DOCK3: variants seen among roughly 807,000 people sequenced by gnomAD.
DOCK3 encodes the protein dedicator of cytokinesis 3, also known as dedicator of cytokinesis protein 3.
Under a neutral mutation model 265.6 loss-of-function variants are expected in DOCK3, and 60 were observed. The ratio of observed to expected loss-of-function variants is 0.23; its 90% CI spans 0.18 to 0.28. DOCK3 has a LOEUF of 0.28. DOCK3 is among the 10% of genes least tolerant of loss of function. The pLI is 1.00. For missense variants in DOCK3, 1,981 were observed against 2,594.3 expected (o/e 0.76, Z 5.14); for synonymous variants, 881 against 938.0 (o/e 0.94, Z 1.11).
chr3:51,150,420 T>C (rs1188927771), intron 10 of DOCK3, among the ~76,000 whole-genome samples: 5 of 152,218 alleles, frequency 3.3e-5, no homozygotes, highest in Non-Finnish European at 5.9e-5. Context: ...TTCTTTTAAT[T>C]GTGATGTTAG....
intron 3 of DOCK3, among the ~76,000 whole-genome samples, chr3:50,884,573 A>T (rs2048233531): frequency 6.6e-6 from 1 of 151,924 alleles, no homozygotes. Context: ...CTCTCTTGTC[A>T]ATTTTTTTCT....
chr3:50,779,931 A>G (rs962908067), intron 2 of DOCK3, among the ~76,000 whole-genome samples: 3 of 152,210 alleles, frequency 2.0e-5, no homozygotes, highest in Non-Finnish European at 4.4e-5. Flanking sequence ...AAGCCATCTC[A>G]GATGGTATAA....
At chr3:50,849,928 A>G (rs1156476572) in intron 3 of DOCK3, among the ~76,000 whole-genome samples, 2 of 151,958 alleles carry the variant, frequency 1.3e-5, no homozygotes, top group African/African-American at 2.4e-5. Context: ...TAAAAAACCA[A>G]TATTTAAGCT....
intron 19 of DOCK3, among the ~76,000 whole-genome samples, chr3:51,231,121 C>CTTTTTTTTTTTT (rs754271357): frequency 2.6e-5 from 2 of 77,738 alleles, no homozygotes; most frequent in African/African-American, 5.1e-5. Flanking sequence ...TATTTTTTGA[C>CTTTTTTTTTTTT]TTTTTTTTTT....
chr3:50,735,589 C>T (rs537611726), intron 1 of DOCK3, among the ~76,000 whole-genome samples: 4 of 152,212 alleles, frequency 2.6e-5, no homozygotes, highest in East Asian at 1.9e-4. Flanking sequence ...CTGCCTGCCT[C>T]GGCCTCCCAA....
chr3:51,034,934 A>G (rs995126602), intron 5 of DOCK3, among the ~76,000 whole-genome samples: 3 of 152,094 alleles, frequency 2.0e-5, no homozygotes, highest in African/African-American at 7.2e-5. Flanking sequence ...TCTGATGATC[A>G]TGTGATATCA....
chr3:50,753,142 T>C (rs1238964915), intron 1 of DOCK3, among the ~76,000 whole-genome samples: 2 of 152,228 alleles, frequency 1.3e-5, no homozygotes, highest in Non-Finnish European at 2.9e-5. Context: ...TGTTTTGTAA[T>C]GCCTGCTTAC....
intron 13 of DOCK3, among the ~76,000 whole-genome samples, chr3:51,210,727 A>C (rs2089454956): frequency 1.3e-5 from 2 of 152,244 alleles, no homozygotes. Flanking sequence ...TTTATTAAAA[A>C]TTAGTTTACT....
At chr3:51,028,535 T>G (rs576756257) in intron 5 of DOCK3, among the ~76,000 whole-genome samples, 43 of 152,080 alleles carry the variant, frequency 2.8e-4, no homozygotes, top group Non-Finnish European at 4.0e-4. Context: ...TTACTTTCTG[T>G]TTTTTTCTCT....
chr3:50,799,644 C>A (rs927800247), intron 2 of DOCK3, among the ~76,000 whole-genome samples: 1 of 152,080 alleles, frequency 6.6e-6, no homozygotes, highest in Non-Finnish European at 1.5e-5. Flanking sequence ...AAGATCATGT[C>A]ATCTGCAAAC....
chr3:50,894,667 G>C (rs1392554889), intron 4 of DOCK3, among the ~76,000 whole-genome samples: 3 of 152,048 alleles, frequency 2.0e-5, no homozygotes, highest in Admixed American at 6.6e-5. Context: ...CTTGTTAGTA[G>C]ATGCACAATA....
intron 9 of DOCK3, among the ~76,000 whole-genome samples, chr3:51,119,041 A>G (rs1263854983): frequency 2.0e-5 from 3 of 152,110 alleles, no homozygotes; most frequent in Admixed American, 1.3e-4. Flanking sequence ...TATCTTGCCC[A>G]TTAGTTGATG....
intron 12 of DOCK3, among the ~76,000 whole-genome samples, chr3:51,181,488 T>C (rs979868152): frequency 3.0e-4 from 45 of 152,200 alleles, no homozygotes; most frequent in African/African-American, 1.1e-3. Context: ...TATGGCTGCA[T>C]GGTATTCCAT....
At chr3:51,285,926 C>T (rs1176390074) in intron 27 of DOCK3, among the ~76,000 whole-genome samples, 1 of 152,150 alleles carries the variant, frequency 6.6e-6, no homozygotes. Flanking sequence ...CAGTGCATGA[C>T]TCCATCTCAA....
At chr3:51,240,872 G>A (rs556828938) in intron 21 of DOCK3, among the ~76,000 whole-genome samples, 2 of 152,250 alleles carry the variant, frequency 1.3e-5, no homozygotes, top group African/African-American at 2.4e-5. Flanking sequence ...ATGGGTCTTG[G>A]TTCTTTATCC....
intron 13 of DOCK3, among the ~76,000 whole-genome samples, chr3:51,212,705 C>T (rs553334557): frequency 2.0e-5 from 3 of 152,120 alleles, no homozygotes; most frequent in African/African-American, 4.8e-5. Flanking sequence ...AAACTAATTG[C>T]GGTTTAGTCC....
intron 2 of DOCK3, among the ~76,000 whole-genome samples, chr3:50,827,773 G>C (rs1204185700): frequency 1.3e-5 from 2 of 152,076 alleles, no homozygotes. Context: ...AGGTGTAGGT[G>C]TATCATCTTG....
chr3:50,772,557 C>A (rs2041337438), intron 1 of DOCK3, among the ~76,000 whole-genome samples: 1 of 152,008 alleles, frequency 6.6e-6, no homozygotes, highest in African/African-American at 2.4e-5. Flanking sequence ...CCCGTGTATA[C>A]CATAAGCATT....
chr3:50,901,840 C>G lies in DOCK3; in HGVS notation c.218+11759C>G, dbSNP rs1249353759. On this transcript the variant is annotated intron_variant, in intron 4 of 52. Coordinates refer to ENST00000266037, the MANE Select transcript of DOCK3 (RefSeq NM_004947.5). ...AGTCCCAATGAGATGAACCGTGTACCTCACTTGGAAATGTTGAAATCACCC... is the reference window on the plus strand; with the variant it reads ...AGTCCCAATGAGATGAACCGTGTACGTCACTTGGAAATGTTGAAATCACCC... Among the ~76,000 whole-genome samples the G allele has an allele frequency of 2.6e-5, 4 of 152,278 alleles. No homozygotes were observed. The East Asian group carries it at 7.7e-4, about 29-fold the overall frequency.
Sources: gnomAD v4.1 joint callset for allele counts (sites outside exome capture counted in the v4.1 genomes callset) on GRCh38, gnomAD v4.1.1 for gene constraint, MANE v1.5 for transcripts, NCBI Gene and HGNC (gene_info 2026-07-23, HGNC 2026-07-21) for gene names.